The following STAU2 variants were observed in gnomAD, a reference collection of about 807,000 sequenced individuals.
STAU2 encodes the protein staufen double-stranded RNA binding protein 2, also known as double-stranded RNA-binding protein Staufen homolog 2.
Under a neutral mutation model 65.9 loss-of-function variants are expected in STAU2, and 20 were observed. The ratio of observed to expected loss-of-function variants is 0.30; its 90% CI spans 0.21 to 0.44. The LOEUF (loss-of-function observed/expected upper bound fraction) is 0.44, where lower values mean the gene tolerates loss of function less well. Ranked by LOEUF, STAU2 falls within the 20% of genes least tolerant of loss-of-function variation. The pLI, the probability that STAU2 is intolerant of heterozygous loss-of-function variation, is 1.00. For missense variants in STAU2, 558 were observed against 683.9 expected (o/e 0.82, Z 2.05); for synonymous variants, 232 against 233.9 (o/e 0.99, Z 0.07).
At chr8:73,617,666 C>T (rs1196976887) in intron 6 of STAU2, among the ~76,000 whole-genome samples, 1 of 151,964 alleles carries the variant, frequency 6.6e-6, no homozygotes, top group Non-Finnish European at 1.5e-5. Context: ...TAGAATACAA[C>T]ATTAAACATA....
chr8:73,450,724 G>A (rs745913767), intron 13 of STAU2, among the ~76,000 whole-genome samples: 1 of 152,214 alleles, frequency 6.6e-6, no homozygotes, highest in Non-Finnish European at 1.5e-5. Flanking sequence ...AATCTTGGGT[G>A]TGTTTATTTG....
intron 3 of STAU2, among the ~76,000 whole-genome samples, chr8:73,714,911 G>T (rs146191003): frequency 2.0e-3 from 298 of 151,990 alleles, no homozygotes; most frequent in African/African-American, 6.5e-3. Context: ...GTGAAACCCC[G>T]TCTCTACAAA....
chr8:73,723,700 G>T (rs971271879), intron 3 of STAU2, among the ~76,000 whole-genome samples: 6 of 152,164 alleles, frequency 3.9e-5, no homozygotes, highest in Admixed American at 1.3e-4. Context: ...TTTCATCACT[G>T]TAAGTCTGAT....
At position 73,441,933 on chromosome 8, in the gene STAU2, A is replaced by AT. The variant is rs1017078666; in HGVS notation, c.1531-19232dup. Among the ~76,000 whole-genome samples the AT allele has an allele frequency of 1.6e-4, 24 of 152,038 alleles. No individual in the cohort carries two copies. The East Asian group carries it at 2.1e-3, about 13-fold the overall frequency. ...ACTTTAATATTTTTTTCTAGAAAGT[A>AT]TTTTTTTTAAACTAACACAAATGCA... is the stretch of plus-strand genomic sequence containing the variant. On this transcript the variant is annotated intron_variant, in intron 13 of 14. Transcript: ENST00000524300.
chr8:73,722,353 T>A (rs1394078695), intron 3 of STAU2, among the ~76,000 whole-genome samples: 1 of 152,228 alleles, frequency 6.6e-6, no homozygotes, highest in East Asian at 1.9e-4. Context: ...CCATTTCTAG[T>A]GTTCTTTCTT....
rs1305950024 is a variant in STAU2 at position 73,479,424 on chromosome 8, T to C, written c.1531-56722A>G. On this transcript the variant is annotated intron_variant, in intron 13 of 14. Coordinates refer to ENST00000524300, the MANE Select transcript of STAU2 (RefSeq NM_001164380.2). ...TCACGGCATGAGACTGGGATTCCTC[T>C]AGCTGTTCATTCAAATCCCCTCTCT... 3.3e-5 allele frequency among the ~76,000 whole-genome samples: 5 copies of C among 150,706 alleles called. No individual in the cohort carries two copies. The East Asian group carries it at 9.9e-4, about 30-fold the overall frequency.
At chr8:73,456,943 T>C (rs888526562) in intron 13 of STAU2, among the ~76,000 whole-genome samples, 1 of 152,224 alleles carries the variant, frequency 6.6e-6, no homozygotes, top group African/African-American at 2.4e-5. Context: ...TCTCTTAATG[T>C]TCCCAAATCT....
chr8:73,666,288 A>C (rs184682925), intron 6 of STAU2, among the ~76,000 whole-genome samples: 12 of 152,346 alleles, frequency 7.9e-5, no homozygotes, highest in Admixed American at 5.2e-4. Flanking sequence ...GAAATGTAAT[A>C]AACAAGCTGT....
intron 13 of STAU2, among the ~76,000 whole-genome samples, chr8:73,475,187 A>G (rs910588002): frequency 1.3e-5 from 2 of 152,148 alleles, no homozygotes. Flanking sequence ...CAGGATACTG[A>G]TTACACAGGT....
intron 6 of STAU2, among the ~76,000 whole-genome samples, chr8:73,628,469 T>C (rs1813852364): frequency 6.6e-6 from 1 of 152,220 alleles, no homozygotes; most frequent in Admixed American, 6.5e-5. Context: ...TATGGCTTAT[T>C]GTTTCTTTGA....
chr8:73,727,545 G>T (rs1297360174), intron 3 of STAU2, among the ~76,000 whole-genome samples: 1 of 152,200 alleles, frequency 6.6e-6, no homozygotes, highest in African/African-American at 2.4e-5. Context: ...GCATGTATCT[G>T]TACTTCATTT....
rs747303994 is a variant in STAU2, at chr8:73,588,944, A to G, written c.1162-6114T>C. On this transcript the variant is annotated intron_variant, in intron 11 of 14. Coordinates refer to ENST00000524300, the MANE Select transcript of STAU2 (RefSeq NM_001164380.2). ...AAGCTGGACAAAAAAATCAAGAACT[A>G]TGACACCCACCACAATCCCAGGATT... Among the ~76,000 whole-genome samples the G allele has an allele frequency of 1.4e-4, 21 of 152,162 alleles. 1 individual carries two copies. The highest frequency in any genetic ancestry group is 2.1e-4 in the Non-Finnish European group (14 of 68,020).
At chr8:73,582,456 A>G (rs1285317406) in intron 12 of STAU2, among the ~76,000 whole-genome samples, 3 of 150,144 alleles carry the variant, frequency 2.0e-5, no homozygotes, top group Non-Finnish European at 1.5e-5. Context: ...ATATTATTTA[A>G]ATTATTTTTT....
chr8:73,701,694 T>C (rs1820114365), intron 4 of STAU2, among the ~76,000 whole-genome samples: 1 of 152,088 alleles, frequency 6.6e-6, no homozygotes, highest in Admixed American at 6.6e-5. Context: ...AAACTAAAAA[T>C]AGAACTACCA....
chr8:73,739,006 T>G lies in STAU2; in HGVS notation c.-83-657A>C, dbSNP rs142231357. On this transcript the variant is annotated intron_variant, in intron 2 of 14. Coordinates refer to ENST00000524300, the MANE Select transcript of STAU2 (RefSeq NM_001164380.2). ...CAGCATTTTGGGAGGCCAAGGTGGGTGGATCATTTGAGTTCAGGAGTTCGG... is the reference window on the plus strand; with the variant it reads ...CAGCATTTTGGGAGGCCAAGGTGGGGGGATCATTTGAGTTCAGGAGTTCGG... 4.0e-3 allele frequency among the ~76,000 whole-genome samples: 605 copies of G among 152,026 alleles called. 4 individuals carry two copies. Among genetic ancestry groups the G allele is most frequent in the African/African-American group, 0.014 (577 of 41,480 alleles).
chr8:73,503,897 A>AG (rs1821899737), intron 13 of STAU2, among the ~76,000 whole-genome samples: 1 of 152,044 alleles, frequency 6.6e-6, no homozygotes, highest in South Asian at 2.1e-4. Context: ...AACCTTAGGG[A>AG]GGGACTCAGT....
chr8:73,421,590 C>G, intron 14 of STAU2, 125 bp from the exon 15 acceptor site: 2 of 831,436 alleles, frequency 2.4e-6, no homozygotes, highest in Non-Finnish European at 3.8e-6. Context: ...AGTGAAACAA[C>G]AATATTTATG....
chr8:73,620,637 A>G lies in STAU2; in HGVS notation c.411-3186T>C, dbSNP rs188026741. ...GCTCAATGTATGTGTATGTGCATGC[A>G]TGTGGATATATATGTATATATAAAT... On this transcript the variant is annotated intron_variant, in intron 6 of 14. Coordinates refer to ENST00000524300, the MANE Select transcript of STAU2 (RefSeq NM_001164380.2). 6.2e-3 allele frequency among the ~76,000 whole-genome samples: 951 copies of G among 152,338 alleles called. 34 individuals carry two copies. The highest frequency in any genetic ancestry group is 0.055 in the Admixed American group (843 of 15,300).
chr8:73,719,664 C>T (rs1233936194), intron 3 of STAU2, among the ~76,000 whole-genome samples: 1 of 152,168 alleles, frequency 6.6e-6, no homozygotes, highest in Admixed American at 6.5e-5. Context: ...CTGGGATAAA[C>T]CCCACATGGT....
Sources: allele counts gnomAD v4.1 joint callset (sites outside exome capture counted in the v4.1 genomes callset), GRCh38; gene constraint gnomAD v4.1.1; transcripts MANE v1.5; gene names NCBI Gene and HGNC (gene_info 2026-07-23, HGNC 2026-07-21).